Variants in HSPG2 observed in about 807,000 individuals in gnomAD.
The protein encoded by HSPG2 is heparan sulfate proteoglycan 2.
In HSPG2, 278 loss-of-function variants were observed where a neutral mutation model predicts 526.6. That is an observed-to-expected ratio of 0.53 (90% confidence interval 0.48 to 0.58). HSPG2 has a LOEUF of 0.58. Among genes scored for constraint, HSPG2 ranks in the 20% least tolerant of loss-of-function variants. The pLI is 0.00. For missense variants in HSPG2, 5,354 were observed against 6,099.5 expected (o/e 0.88, Z 4.07); for synonymous variants, 2,465 against 2,555.4 (o/e 0.96, Z 1.07).
intron 28 of HSPG2, 125 bp downstream of exon 28, chr1:21,874,281 C>A: frequency 7.7e-7 from 1 of 1,301,308 alleles, no homozygotes; most frequent in Non-Finnish European, 1.1e-6. Context: ...CACCAAGTGA[C>A]ACTGAGCAGG....
chr1:21,843,164 C>T, intron 66 of HSPG2, 133 bp downstream of exon 66: 1 of 1,362,438 alleles, frequency 7.3e-7, no homozygotes, highest in Non-Finnish European at 1.0e-6. Flanking sequence ...CCTGGGTTGG[C>T]TTGATCCTCC....
chr1:21,864,840 C>T lies in HSPG2; in HGVS notation c.4626+3G>A. 1 of 1,607,734 alleles carries T rather than the reference C, an allele frequency of 6.2e-7. No homozygotes were observed. The highest frequency in any genetic ancestry group is 1.1e-5 in the South Asian group (1 of 90,190). Reference sequence around the variant, plus strand: ...GAGGTGGTGGAGCTGGCCACACACTCACCTGGCAGGACAGACCGATGTAGC... The same window carrying T: ...GAGGTGGTGGAGCTGGCCACACACTTACCTGGCAGGACAGACCGATGTAGC... On this transcript the variant is annotated splice_donor_region_variant and intron_variant, in intron 36 of 96. Transcript: ENST00000374695. This position sits in a 1 kb window ranked among gnomAD's most constrained non-coding sequence, Gnocchi z 4.8.
chr1:21,896,132 C>G (rs1642727651), intron 2 of HSPG2, 43 bp downstream of exon 2: 3 of 1,613,106 alleles, frequency 1.9e-6, no homozygotes, highest in Admixed American at 1.7e-5. Flanking sequence ...AGCACAGTCT[C>G]ACCCCCCACC....
chr1:21,856,563 A>G (rs1374561928), intron 44 of HSPG2, among the ~76,000 whole-genome samples: 2 of 151,706 alleles, frequency 1.3e-5, no homozygotes, highest in Non-Finnish European at 2.9e-5. Context: ...GATTATAGGC[A>G]CCTGCCACCA....
rs1366794541 is a variant in HSPG2, at chr1:21,828,591, CTA to C, written c.12238-167_12238-166del. On this transcript the variant is annotated intron_variant, in intron 88 of 96. Transcript: ENST00000374695. The surrounding 1 kb of genome is among the most constrained non-coding windows in gnomAD (Gnocchi z 6.0). ...GGAGGGAGGCGCAGGAGTTGAGTGC[CTA>C]CTGTGTGCTAGAAACATTCATCCGT... 6.6e-6 allele frequency among the ~76,000 whole-genome samples: 1 copy of C among 152,068 alleles called. No individual in the cohort carries two copies. Among genetic ancestry groups the C allele is most frequent in the Non-Finnish European group, 1.5e-5 (1 of 68,010 alleles).
chr1:21,865,330 C>A lies in HSPG2; in HGVS notation c.4350G>T (p.Ala1450=). ...AGCTCCTCCTCTCAGGGCCCTGCAG[C>A]GCTGGCTGGGAGGCCACTAGCATGA... ...NNIMLVASQP[A]LQGPERRSYE... is the part of the protein sequence containing the mutation. The change falls in exon 35 of 97, where the codon GCG becomes GCT. Residue 1450 remains alanine, a synonymous_variant. Transcript: ENST00000374695. This position sits in a 1 kb window ranked among gnomAD's most constrained non-coding sequence, Gnocchi z 5.4. The A allele has an allele frequency of 6.2e-7, 1 of 1,614,070 alleles. No homozygotes were observed. Among genetic ancestry groups the A allele is most frequent in the Non-Finnish European group, 8.5e-7 (1 of 1,179,990 alleles).
chr1:21,920,287 G>A (rs1340011166), intron 1 of HSPG2, among the ~76,000 whole-genome samples: 1 of 152,246 alleles, frequency 6.6e-6, no homozygotes, highest in Non-Finnish European at 1.5e-5. Context: ...CTAGAAAGAG[G>A]CAGAGGCAGG....
chr1:21,844,709 CCTCT>C (rs1169445785), intron 64 of HSPG2, among the ~76,000 whole-genome samples: 3 of 152,236 alleles, frequency 2.0e-5, no homozygotes, highest in South Asian at 2.1e-4. Context: ...AACAACTTCA[CCTCT>C]CTGAGTCTCA....
chr1:21,913,555 C>T (rs1458233898), intron 1 of HSPG2, among the ~76,000 whole-genome samples: 2 of 152,222 alleles, frequency 1.3e-5, no homozygotes, highest in Non-Finnish European at 2.9e-5. Flanking sequence ...CTGCTCCCTG[C>T]CCAACCCCCA....
chr1:21,850,219 A>G (rs767449669), intron 56 of HSPG2, 27 bp from the exon 57 acceptor site: 2 of 1,613,170 alleles, frequency 1.2e-6, no homozygotes, highest in Non-Finnish European at 8.5e-7. Context: ...AAGGGTCAAT[A>G]GCCGGCTAGG....
In HSPG2 at chr1:21,850,205, G is replaced by C. The variant is rs762635744; in HGVS notation, c.7295-13C>G. The C allele has an allele frequency of 1.5e-5, 25 of 1,613,220 alleles. No homozygotes were observed. The African/African-American group carries it at 2.7e-4, about 17-fold the overall frequency. On this transcript the variant is annotated splice_polypyrimidine_tract_variant and intron_variant, in intron 56 of 96. Coordinates refer to ENST00000374695, the MANE Select transcript of HSPG2 (RefSeq NM_005529.7). ...GTGACCCCAAGTGCTGGGGACAGAG[G>C]GCAAAGGGTCAATAGCCGGCTAGGA...
At position 21,885,021 on chromosome 1, in the gene HSPG2, A is replaced by C; in HGVS notation, c.1347T>G (p.Ser449=). The change falls in exon 11 of 97, where the codon TCT becomes TCG. Residue 449 remains serine (S), a synonymous_variant. Coordinates refer to ENST00000374695, the MANE Select transcript of HSPG2 (RefSeq NM_005529.7). ...TGGGCCCAGAGCCGCACCTGGGATGAGAGGGGATGTGGCCCCAGTTGAGCC... is the reference window on the plus strand; with the variant it reads ...TGGGCCCAGAGCCGCACCTGGGATGCGAGGGGATGTGGCCCCAGTTGAGCC... ...NWRLNWGHIP[S]HPRVTVTSEG... The C allele has an allele frequency of 1.9e-6, 3 of 1,613,842 alleles. No homozygotes were observed. The highest frequency in any genetic ancestry group is 2.5e-6 in the Non-Finnish European group (3 of 1,179,964).
At chr1:21,915,503 G>C (rs1255312492) in intron 1 of HSPG2, among the ~76,000 whole-genome samples, 4 of 152,142 alleles carry the variant, frequency 2.6e-5, no homozygotes, top group African/African-American at 4.8e-5. Flanking sequence ...AGAGTGAGAG[G>C]CTGCCGAGAA....
At chr1:21,903,953 G>A (rs1161548013) in intron 1 of HSPG2, among the ~76,000 whole-genome samples, 2 of 152,216 alleles carry the variant, frequency 1.3e-5, no homozygotes, top group Non-Finnish European at 2.9e-5. Flanking sequence ...CTAGCTAGGG[G>A]GCTTCAGCTT....
At chr1:21,903,661 G>A (rs552850380) in intron 1 of HSPG2, among the ~76,000 whole-genome samples, 64 of 152,260 alleles carry the variant, frequency 4.2e-4, no homozygotes, top group African/African-American at 6.7e-4. Context: ...AAAGGTCCCC[G>A]CTTTGCCTCC....
At chr1:21,876,783 G>T in intron 21 of HSPG2, 131 bp from the exon 22 acceptor site, 1 of 1,226,928 alleles carries the variant, frequency 8.2e-7, no homozygotes, top group Non-Finnish European at 1.2e-6. Flanking sequence ...ATGTGGCTGG[G>T]CGCGGTGGCT....
At position 21,847,288 on chromosome 1, in the gene HSPG2, G is replaced by A; in HGVS notation, c.8164+66C>T. ...CCACCAGGTCTGAGGACTCTGACCT[G>A]AAAGTTCCTTCTCCCCAGGGAACAC... On this transcript the variant is annotated intron_variant, in intron 62 of 96. Transcript: ENST00000374695. This position sits in a 1 kb window ranked among gnomAD's most constrained non-coding sequence, Gnocchi z 4.1. The A allele has an allele frequency of 2.5e-6, 4 of 1,595,844 alleles. No homozygotes were observed. The highest frequency in any genetic ancestry group is 2.6e-6 in the Non-Finnish European group (3 of 1,165,178).
In HSPG2 at chr1:21,857,012, T is replaced by G; in HGVS notation, c.5575+3A>C. The G allele has an allele frequency of 6.2e-7, 1 of 1,614,040 alleles. No homozygotes were observed. ...GAGAATCAGGTATAGATGGGAGGTG[T>G]ACCCTGCACATGTAGAGTGGCTGTG... is the stretch of plus-strand genomic sequence containing the variant. On this transcript the variant is annotated splice_donor_region_variant and intron_variant, in intron 44 of 96. Coordinates refer to ENST00000374695, the MANE Select transcript of HSPG2 (RefSeq NM_005529.7).
chr1:21,824,582 C>T lies in HSPG2; in HGVS notation c.12699G>A (p.Glu4233=), dbSNP rs755623380. The T allele has an allele frequency of 1.9e-6, 3 of 1,613,916 alleles. No individual in the cohort carries two copies. In the African/African-American group the frequency reaches 4.0e-5, roughly 22 times the overall value. Residue 4233 remains glutamate, a synonymous_variant, in exon 93 of 97, where the codon GAG becomes GAA. Coordinates refer to ENST00000374695, the MANE Select transcript of HSPG2 (RefSeq NM_005529.7). The surrounding 1 kb of genome is among the most constrained non-coding windows in gnomAD (Gnocchi z 5.9). ...GGCCACTGGCTGTGCTGGTCCGAAC[C>T]TCCAGCTCGATGGTCTCGGGCACCT... ...LPEVPETIEL[E]VRTSTASGLL...
Sources: gnomAD v4.1 joint callset for allele counts (sites outside exome capture counted in the v4.1 genomes callset) on GRCh38, gnomAD v4.1.1 for gene constraint, Gnocchi (gnomAD v3.1) non-coding constraint, MANE v1.5 for transcripts, NCBI Gene and HGNC (gene_info 2026-07-23, HGNC 2026-07-21) for gene names.